GNGT2: variants seen among roughly 807,000 people sequenced by gnomAD.
GNGT2 encodes the protein guanine nucleotide-binding protein G(I)/G(S)/G(O) subunit gamma-T2.
In GNGT2, 4 loss-of-function variants were observed where a neutral mutation model predicts 3.5. The ratio of observed to expected loss-of-function variants is 1.13; its 90% CI spans 0.56 to 2.59. The LOEUF (loss-of-function observed/expected upper bound fraction) is 2.59. GNGT2 is among the 30% of genes most tolerant of loss of function. GNGT2 has a pLI of 0.02. For synonymous variants in GNGT2, 31 were observed against 29.5 expected, an observed-to-expected ratio of 1.05 and a Z score of -0.17; for missense variants, 64 against 81.2, an observed-to-expected ratio of 0.79 and a Z score of 0.82.
intron 1 of GNGT2, chr17:49,209,395 T>TA (rs1254299181): frequency 6.6e-6 from 1 of 152,262 alleles, no homozygotes; most frequent in African/African-American, 2.4e-5. Context: ...ACTCATTCAA[T>TA]AAAAATGTCC....
Position 49,207,302 on chromosome 17 carries a change from A to G in GNGT2, c.84+37T>C, listed in dbSNP as rs780810054. 10 of 1,440,118 alleles carry G rather than the reference A, an allele frequency of 6.9e-6. No individual in the cohort carries two copies. The Admixed American group carries it at 1.3e-4, about 19-fold the overall frequency. The allele number at this position is 1,440,118 out of a possible 1,614,324, so 89.2% of individuals were successfully genotyped here. A position where few individuals can be genotyped will look rare whatever the true frequency, so the allele number is the denominator to read the frequency against. On this transcript the variant is annotated intron_variant, in intron 3 of 3. Coordinates refer to ENST00000507680, the MANE Select transcript of GNGT2 (RefSeq NM_001198754.2). ...CTCCTTCCCGGGGCTCATCAGGAAC[A>G]GGAAGGGAAGAGCAGGGACGGGGCG...
intron 1 of GNGT2, chr17:49,209,420 G>C (rs1289790211): frequency 1.3e-5 from 2 of 152,268 alleles, no homozygotes; most frequent in Admixed American, 1.3e-4. Context: ...TCACCAAGCT[G>C]TGCCACTTAG....
chr17:49,208,356 C>T (rs536505026), intron 2 of GNGT2, among the ~76,000 whole-genome samples: 15 of 150,792 alleles, frequency 9.9e-5, no homozygotes, highest in Non-Finnish European at 1.3e-4. Flanking sequence ...AGCTACTCAG[C>T]GGGCTGAGGC....
At chr17:49,206,929 G>A (rs2143491148) in intron 3 of GNGT2, 47 bp from the exon 4 acceptor site, 2 of 1,610,556 alleles carry the variant, frequency 1.2e-6, no homozygotes, top group Non-Finnish European at 1.7e-6. Context: ...CTGTCTCTGG[G>A]TCCATGATTT....
chr17:49,207,047 A>C (rs2043112958), intron 3 of GNGT2, among the ~76,000 whole-genome samples, 165 bp from the exon 4 acceptor site: 1 of 152,022 alleles, frequency 6.6e-6, no homozygotes, highest in Non-Finnish European at 1.5e-5. Context: ...CCTTGATCTG[A>C]CCCACAACAC....
rs776436299 is a variant in GNGT2, at chr17:49,206,722, A to G, written c.*35T>C. ...GTCTAGGAGACTTGGGCTTGGCTGA[A>G]GAGGGACAGACACTCAGGGCAGGGC... On this transcript the variant is annotated 3_prime_UTR_variant, in exon 4 of 4. Transcript: ENST00000507680. 1 of 1,589,514 alleles carries G rather than the reference A, an allele frequency of 6.3e-7. No individual in the cohort carries two copies. Among genetic ancestry groups the G allele is most frequent in the South Asian group, 1.1e-5 (1 of 87,572 alleles).
In GNGT2 at chr17:49,207,318, G is replaced by A. The variant is rs755835634; in HGVS notation, c.84+21C>T. ...ATCAGGAACAGGAAGGGAAGAGCAG[G>A]GACGGGGCGAGGAGGCTCACCGGAA... On this transcript the variant is annotated intron_variant, in intron 3 of 3. Coordinates refer to ENST00000507680, the MANE Select transcript of GNGT2 (RefSeq NM_001198754.2). The A allele has an allele frequency of 9.0e-6, 14 of 1,560,778 alleles. No homozygotes were observed. The East Asian group carries it at 2.9e-4, about 32-fold the overall frequency.
intron 3 of GNGT2, among the ~76,000 whole-genome samples, 172 bp from the exon 4 acceptor site, chr17:49,207,054 A>G (rs1195683574): frequency 1.3e-5 from 2 of 152,066 alleles, no homozygotes; most frequent in Non-Finnish European, 2.9e-5. Context: ...CTGACCCACA[A>G]CACTGACCCT....
chr17:49,206,954 A>G (rs981605196), intron 3 of GNGT2, 72 bp from the exon 4 acceptor site: 15 of 1,543,760 alleles, frequency 9.7e-6, no homozygotes, highest in Middle Eastern at 1.7e-4. Context: ...AGTGCCAGAA[A>G]AACAGGCTTC....
chr17:49,207,020 G>T, intron 3 of GNGT2, 138 bp from the exon 4 acceptor site: 2 of 893,428 alleles, frequency 2.2e-6, no homozygotes, highest in Non-Finnish European at 1.8e-6. Flanking sequence ...ACAGACAGGT[G>T]TTCGGGGGTG....
chr17:49,209,763 G>A (rs186579896), intron 1 of GNGT2, among the ~76,000 whole-genome samples: 112 of 152,236 alleles, frequency 7.4e-4, no homozygotes, highest in Non-Finnish European at 5.9e-5. Flanking sequence ...CCTAACTTCC[G>A]TGCTCCAGGA....
At chr17:49,208,258 C>T (rs995760396) in intron 2 of GNGT2, among the ~76,000 whole-genome samples, 3 of 151,974 alleles carry the variant, frequency 2.0e-5, no homozygotes, top group East Asian at 1.9e-4. Flanking sequence ...GTTGAGGGTT[C>T]GAGACTAGCC....
Position 49,210,378 on chromosome 17 carries a change from C to T in GNGT2, c.-133+66G>A, listed in dbSNP as rs1471136933. 1 of 193,566 alleles carries T rather than the reference C, an allele frequency of 5.2e-6. No individual in the cohort carries two copies. Among genetic ancestry groups the T allele is most frequent in the African/African-American group, 2.3e-5 (1 of 43,122 alleles). 12.0% of individuals were successfully genotyped at this position (193,566 alleles called of 1,614,324 possible). On this transcript the variant is annotated intron_variant, in intron 1 of 3. Coordinates refer to ENST00000507680, the MANE Select transcript of GNGT2 (RefSeq NM_001198754.2). The surrounding 1 kb of genome is among the most constrained non-coding windows in gnomAD (Gnocchi z 4.2). Reference sequence around the variant, plus strand: ...GGCCAGCCCCCTTCCTCCCCAGTCTCCGACCCCATCCCCCAGCCGACCAGT... The same window carrying T: ...GGCCAGCCCCCTTCCTCCCCAGTCTTCGACCCCATCCCCCAGCCGACCAGT...
chr17:49,207,288 G>A (rs2043115157), intron 3 of GNGT2, 51 bp downstream of exon 3: 1 of 1,302,376 alleles, frequency 7.7e-7, no homozygotes, highest in African/African-American at 1.4e-5. Flanking sequence ...TCCTTCCCGG[G>A]GCTCATCAGG....
chr17:49,206,853 C>T lies in GNGT2; in HGVS notation c.114G>A (p.Glu38=). Residue 38 remains glutamate (E), a synonymous_variant, in exon 4 of 4, where the codon GAG becomes GAA. Transcript: ENST00000507680. ...PISKAGKEIK[E]YVEAQAGNDP... ...CGTTTCCTGCTTGGGCCTCCACGTA[C>T]TCCTTGATTTCCTTTCCCGCTTTGG... The T allele has an allele frequency of 6.2e-7, 1 of 1,613,778 alleles. No individual in the cohort carries two copies. The highest frequency in any genetic ancestry group is 8.5e-7 in the Non-Finnish European group (1 of 1,179,838).
At chr17:49,208,449 G>A (rs1465273986) in intron 2 of GNGT2, among the ~76,000 whole-genome samples, 1 of 150,508 alleles carries the variant, frequency 6.6e-6, no homozygotes, top group Non-Finnish European at 1.5e-5. Flanking sequence ...CGACAAGAGT[G>A]AGACTCCATC....
At position 49,206,705 on chromosome 17, in the gene GNGT2, G is replaced by C. The variant is rs1356755628; in HGVS notation, c.*52C>G. The C allele has an allele frequency of 3.0e-5, 47 of 1,565,452 alleles. No homozygotes were observed. The highest frequency in any genetic ancestry group is 3.4e-5 in the Non-Finnish European group (39 of 1,154,590). On this transcript the variant is annotated 3_prime_UTR_variant, in exon 4 of 4. Transcript: ENST00000507680. ...TCACTGGCTCCCTGGGGGTCTAGGA[G>C]ACTTGGGCTTGGCTGAAGAGGGACA...
At chr17:49,209,841 G>C (rs1398051516) in intron 1 of GNGT2, among the ~76,000 whole-genome samples, 1 of 152,128 alleles carries the variant, frequency 6.6e-6, no homozygotes, top group Non-Finnish European at 1.5e-5. Context: ...AGGTTGTCTG[G>C]TACAACTGTC....
chr17:49,206,713 C>T lies in GNGT2; in HGVS notation c.*44G>A, dbSNP rs768402494. On this transcript the variant is annotated 3_prime_UTR_variant, in exon 4 of 4. Coordinates refer to ENST00000507680, the MANE Select transcript of GNGT2 (RefSeq NM_001198754.2). ...TCCCTGGGGGTCTAGGAGACTTGGGCTTGGCTGAAGAGGGACAGACACTCA... is the reference window on the plus strand; with the variant it reads ...TCCCTGGGGGTCTAGGAGACTTGGGTTTGGCTGAAGAGGGACAGACACTCA... 22 of 1,577,336 alleles carry T rather than the reference C, an allele frequency of 1.4e-5. No homozygotes were observed. Among genetic ancestry groups the T allele is most frequent in the Non-Finnish European group, 1.8e-5 (21 of 1,163,432 alleles).
Sources: gnomAD v4.1 joint callset for allele counts (sites outside exome capture counted in the v4.1 genomes callset) on GRCh38, gnomAD v4.1.1 for gene constraint, Gnocchi (gnomAD v3.1) non-coding constraint, MANE v1.5 for transcripts, NCBI Gene and HGNC (gene_info 2026-07-23, HGNC 2026-07-21) for gene names.